The following UGT2B4 variants were observed in gnomAD, a reference collection of about 807,000 sequenced individuals.
The protein encoded by UGT2B4 is UDP-glucuronosyltransferase 2B4.
In UGT2B4, 49 loss-of-function variants were observed where a neutral mutation model predicts 49.8. That is an observed-to-expected ratio of 0.98 (90% confidence interval 0.78 to 1.25). The LOEUF (loss-of-function observed/expected upper bound fraction) is 1.25, where lower values mean the gene tolerates loss of function less well. Among genes scored for constraint, UGT2B4 ranks in the 50% most tolerant of loss-of-function variants. UGT2B4 has a pLI of 0.00. For synonymous variants in UGT2B4, 246 were observed against 217.7 expected (o/e 1.13, Z -1.14); for missense variants, 729 against 627.7 (o/e 1.16, Z -1.73).
At chr4:69,489,002 T>C (rs1361380316) in intron 3 of UGT2B4, among the ~76,000 whole-genome samples, 1 of 152,150 alleles carries the variant, frequency 6.6e-6, no homozygotes, top group African/African-American at 2.4e-5. Flanking sequence ...ATGATGCATG[T>C]CAGCCTTTTT....
chr4:69,523,643 T>A (rs1728896831), intron 1 of UGT2B4, among the ~76,000 whole-genome samples: 1 of 152,200 alleles, frequency 6.6e-6, no homozygotes, highest in East Asian at 1.9e-4. Flanking sequence ...TCCTGATAAA[T>A]AAACATTGTC....
intron 1 of UGT2B4, among the ~76,000 whole-genome samples, chr4:69,515,397 C>T (rs116317236): frequency 8.3e-4 from 127 of 152,206 alleles, no homozygotes; most frequent in African/African-American, 2.8e-3. Context: ...ATTGAAAAAC[C>T]TGCTCCTGAA....
upstream of UGT2B4, among the ~76,000 whole-genome samples, chr4:69,497,833 G>T (rs926963905): frequency 9.9e-5 from 15 of 152,196 alleles, no homozygotes; most frequent in African/African-American, 3.6e-4. Context: ...TGGGAAAATT[G>T]CTATCAAACA....
intron 1 of UGT2B4, among the ~76,000 whole-genome samples, chr4:69,514,335 G>A (rs555639248): frequency 1.6e-4 from 24 of 152,212 alleles, no homozygotes; most frequent in African/African-American, 3.4e-4. Context: ...GAGAGCATGC[G>A]GTGTTTGGTT....
chr4:69,510,408 G>A (rs922431063), intron 1 of UGT2B4, among the ~76,000 whole-genome samples: 24 of 152,094 alleles, frequency 1.6e-4, no homozygotes, highest in African/African-American at 5.5e-4. Context: ...AAATGTCATG[G>A]GTCTTTTAAT....
chr4:69,493,117 C>T (rs1032355517), intron 2 of UGT2B4, among the ~76,000 whole-genome samples: 1 of 152,012 alleles, frequency 6.6e-6, no homozygotes, highest in East Asian at 1.9e-4. Context: ...GAGAACTGTC[C>T]TGAACACTTT....
intron 1 of UGT2B4, among the ~76,000 whole-genome samples, chr4:69,509,951 G>T: frequency 6.6e-6 from 1 of 151,882 alleles, no homozygotes. Flanking sequence ...TGAAGCTTTT[G>T]CTTTATATTT....
intron 2 of UGT2B4, among the ~76,000 whole-genome samples, chr4:69,491,938 G>A (rs1727999144): frequency 6.6e-6 from 1 of 152,012 alleles, no homozygotes; most frequent in African/African-American, 2.4e-5. Context: ...TAATAAGGAG[G>A]TAGGCAAAAA....
chr4:69,505,480 A>G lies in UGT2B4; in HGVS notation c.-105-9514T>C, dbSNP rs1029734492. ...AAAACGAAAAAGAGAAGAACACTGC[A>G]TAATGGTAAAGAGTTTAATTCAACA... On this transcript the variant is annotated intron_variant, in intron 1 of 1. Transcript: ENST00000510114. 5.3e-5 allele frequency among the ~76,000 whole-genome samples: 8 copies of G among 152,304 alleles called. No individual in the cohort carries two copies. The East Asian group carries it at 5.8e-4, about 11-fold the overall frequency.
At chr4:69,496,777 A>C (rs1728178700), upstream of UGT2B4, among the ~76,000 whole-genome samples, 1 of 152,202 alleles carries the variant, frequency 6.6e-6, no homozygotes, top group South Asian at 2.1e-4. Context: ...GGAATCACAC[A>C]ATATGTGATA....
chr4:69,486,518 A>G (rs962168350), intron 4 of UGT2B4, 91 bp downstream of exon 4: 4 of 845,446 alleles, frequency 4.7e-6, no homozygotes, highest in African/African-American at 1.8e-5. Context: ...TTTTTCCATA[A>G]CAAATGTTCA....
chr4:69,495,164 TC>T lies in UGT2B4; in HGVS notation c.697del (p.Asp233IlefsTer8), dbSNP rs1560436015. ...ACCTAGAACTTCACTGTAGAACTGA[TC>T]CCACTTCTTCATGTCAAATATTTGG... The part of the protein sequence containing the change: ...WFQIFDMKKW[D>X]QFYSEVLGRP... On this transcript the variant is annotated frameshift_variant, in exon 1 of 6. Transcript: ENST00000305107. LOFTEE classifies it high-confidence loss of function. 6.4e-7 allele frequency: 1 copy of T among 1,570,146 alleles called. No homozygotes were observed. The highest frequency in any genetic ancestry group is 2.2e-5 in the East Asian group (1 of 44,612).
At chr4:69,510,300 T>C (rs560958400) in intron 1 of UGT2B4, among the ~76,000 whole-genome samples, 1 of 152,316 alleles carries the variant, frequency 6.6e-6, no homozygotes, top group East Asian at 1.9e-4. Context: ...TCCAGCTTTG[T>C]TGGACTTTCT....
chr4:69,520,690 C>T (rs1728828199), intron 1 of UGT2B4, among the ~76,000 whole-genome samples: 1 of 152,216 alleles, frequency 6.6e-6, no homozygotes, highest in African/African-American at 2.4e-5. Context: ...ACCTCAGCCC[C>T]CTCCAGACTT....
At chr4:69,486,794 T>C in intron 3 of UGT2B4, 98 bp from the exon 4 acceptor site, 2 of 901,332 alleles carry the variant, frequency 2.2e-6, no homozygotes, top group Non-Finnish European at 3.4e-6. Context: ...GAACAAGGGA[T>C]GTTAAGTAAC....
At chr4:69,513,844 T>C (rs62306992) in intron 1 of UGT2B4, among the ~76,000 whole-genome samples, 19,667 of 152,164 alleles carry the variant, frequency 0.13, 1,717 homozygotes, top group Non-Finnish European at 0.19. Flanking sequence ...CAATTGTGAA[T>C]GGGAGCTCAT....
upstream of UGT2B4, among the ~76,000 whole-genome samples, chr4:69,499,531 T>C (rs994576879): frequency 2.6e-5 from 4 of 152,246 alleles, no homozygotes; most frequent in Non-Finnish European, 4.4e-5. Flanking sequence ...ACTTGCTTCA[T>C]GAGTCTGGGT....
intron 4 of UGT2B4, among the ~76,000 whole-genome samples, chr4:69,486,257 T>A (rs72646741): frequency 5.0e-4 from 76 of 152,240 alleles, no homozygotes; most frequent in Non-Finnish European, 9.4e-4. Context: ...GCAGAAGAGC[T>A]GTTACTTTTA....
rs578216873 is a variant in UGT2B4 at position 69,493,743 on chromosome 4, C to A, written c.820G>T (p.Val274Phe). The A allele has an allele frequency of 6.2e-7, 1 of 1,611,378 alleles. No homozygotes were observed. The change falls in exon 2 of 6, where the codon GTT becomes TTT. Residue 274 changes from valine to phenylalanine, a missense_variant. By Grantham distance (50) the Val-to-Phe change is conservative. Transcript: ENST00000305107. The part of the protein sequence containing the change: ...FQFPHPLLPN[V>F]EFVGGLHCKP... ...CAGTGGAGTCCTCCAACGAACTCAA[C>A]ATTTGGTAAGAGTGGGTGAGGAAAT...
Sources: allele counts gnomAD v4.1 joint callset (sites outside exome capture counted in the v4.1 genomes callset), GRCh38; gene constraint gnomAD v4.1.1; transcripts MANE v1.5; gene names NCBI Gene and HGNC (gene_info 2026-07-23, HGNC 2026-07-21).